Variants in CRADD observed in about 807,000 individuals in gnomAD.
CRADD encodes the protein death domain-containing protein CRADD.
In CRADD, 9 loss-of-function variants were observed where a neutral mutation model predicts 15.5. The observed-to-expected ratio is 0.58, with a 90% confidence interval of 0.35 to 1.01. CRADD has a LOEUF of 1.01. Among genes scored for constraint, CRADD ranks in the 50% least tolerant of loss-of-function variants. CRADD has a pLI of 0.02. For synonymous variants in CRADD, 118 were observed against 107.6 expected (o/e 1.10, Z -0.60); for missense variants, 227 against 250.3 (o/e 0.91, Z 0.63).
intron 2 of CRADD, among the ~76,000 whole-genome samples, chr12:93,780,626 A>G (rs1176493693): frequency 6.6e-6 from 1 of 152,252 alleles, no homozygotes; most frequent in Non-Finnish European, 1.5e-5. Flanking sequence ...TGTAAGGCAC[A>G]TAAACAAACA....
At chr12:93,731,531 C>T (rs1178459404) in intron 2 of CRADD, among the ~76,000 whole-genome samples, 4 of 152,312 alleles carry the variant, frequency 2.6e-5, no homozygotes, top group Admixed American at 6.5e-5. Flanking sequence ...AGTTTGCCAG[C>T]GACTTGGTTT....
In CRADD at chr12:93,766,506, T is replaced by C. The variant is rs562424714; in HGVS notation, c.299-83464T>C. Among the ~76,000 whole-genome samples the C allele has an allele frequency of 7.2e-5, 11 of 152,334 alleles. No homozygotes were observed. The South Asian group carries it at 1.4e-3, about 20-fold the overall frequency. ...TGGAGTTGCCCTTTGAGCTGTGTTATCTGATTTGAACTTTTCAAGCTTCCT... is the reference window on the plus strand; with the variant it reads ...TGGAGTTGCCCTTTGAGCTGTGTTACCTGATTTGAACTTTTCAAGCTTCCT... On this transcript the variant is annotated intron_variant, in intron 2 of 2. Coordinates refer to ENST00000332896, the MANE Select transcript of CRADD (RefSeq NM_003805.5).
intron 2 of CRADD, among the ~76,000 whole-genome samples, chr12:93,707,454 G>A (rs1468040333): frequency 6.6e-6 from 1 of 152,180 alleles, no homozygotes; most frequent in South Asian, 2.1e-4. Flanking sequence ...GATGTCTGGT[G>A]CCTTGACTGG....
At chr12:93,772,709 T>A (rs932549151) in intron 2 of CRADD, among the ~76,000 whole-genome samples, 1 of 152,246 alleles carries the variant, frequency 6.6e-6, no homozygotes. Flanking sequence ...ATGGGCTTAG[T>A]AGGAGCTTTT....
At chr12:93,704,503 A>G (rs905748203) in intron 2 of CRADD, among the ~76,000 whole-genome samples, 23 of 152,068 alleles carry the variant, frequency 1.5e-4, no homozygotes, top group Admixed American at 3.3e-4. Context: ...TGTATATTCC[A>G]TTAGCAAGTC....
chr12:93,874,171 G>A (rs948642968), intron 2 of CRADD, among the ~76,000 whole-genome samples: 3 of 151,856 alleles, frequency 2.0e-5, no homozygotes, highest in African/African-American at 7.3e-5. Context: ...ATTGAATTTT[G>A]GTAGGTTGTA....
chr12:93,781,560 G>A (rs992931373), intron 2 of CRADD, among the ~76,000 whole-genome samples: 5 of 152,150 alleles, frequency 3.3e-5, no homozygotes, highest in East Asian at 1.9e-4. Context: ...TTGAACCCAC[G>A]GATCAGTCTC....
chr12:93,729,251 A>G (rs968020020), intron 2 of CRADD, among the ~76,000 whole-genome samples: 2 of 152,204 alleles, frequency 1.3e-5, no homozygotes, highest in African/African-American at 4.8e-5. Flanking sequence ...AGGGTGGCAC[A>G]TCAAGTCAGT....
At chr12:93,740,366 A>G (rs1956647459) in intron 2 of CRADD, among the ~76,000 whole-genome samples, 2 of 152,136 alleles carry the variant, frequency 1.3e-5, no homozygotes, top group African/African-American at 4.8e-5. Context: ...AGAAATTCCA[A>G]AAATGAGATT....
intron 2 of CRADD, among the ~76,000 whole-genome samples, chr12:93,682,038 A>G (rs1955320813): frequency 6.6e-6 from 1 of 152,190 alleles, no homozygotes; most frequent in Admixed American, 6.5e-5. Flanking sequence ...AAGTAATTTA[A>G]TTGGTGGCAA....
At chr12:93,774,786 T>C (rs1957124251) in intron 2 of CRADD, among the ~76,000 whole-genome samples, 1 of 152,054 alleles carries the variant, frequency 6.6e-6, no homozygotes, top group African/African-American at 2.4e-5. Context: ...TCATCCAAGG[T>C]GATATGGATG....
At chr12:93,686,824 A>G (rs1367289832) in intron 2 of CRADD, among the ~76,000 whole-genome samples, 2 of 152,130 alleles carry the variant, frequency 1.3e-5, no homozygotes, top group Non-Finnish European at 1.5e-5. Context: ...TCTGCTGCGC[A>G]ATCTTGGCTT....
chr12:93,863,373 T>G lies in CRADD; in HGVS notation c.299-30677T>G, dbSNP rs190208210. ...TGCTATCTTCTCATTTCGGTTCTCA[T>G]TTGCTTACTGTGGTGCCTCCCCAAC... On this transcript the variant is annotated intron_variant, in intron 2 of 2. Coordinates refer to the CRADD transcript ENST00000548483. Among the ~76,000 whole-genome samples, 111 of 152,276 alleles carry G rather than the reference T, an allele frequency of 7.3e-4. 1 individual carries two copies. The East Asian group carries it at 0.018, about 25-fold the overall frequency.
At chr12:93,893,205 G>C (rs1434565700) in intron 2 of CRADD, among the ~76,000 whole-genome samples, 1 of 152,210 alleles carries the variant, frequency 6.6e-6, no homozygotes, top group Non-Finnish European at 1.5e-5. Flanking sequence ...AAATCAGCCA[G>C]AGAATTATAT....
At chr12:93,828,924 G>C (rs1400734351) in intron 2 of CRADD, among the ~76,000 whole-genome samples, 1 of 152,134 alleles carries the variant, frequency 6.6e-6, no homozygotes, top group African/African-American at 2.4e-5. Flanking sequence ...CTTTCCAGGG[G>C]GATGTGTTCA....
At chr12:93,711,507 A>G (rs1956074248) in intron 2 of CRADD, among the ~76,000 whole-genome samples, 1 of 152,046 alleles carries the variant, frequency 6.6e-6, no homozygotes, top group Non-Finnish European at 1.5e-5. Flanking sequence ...ATCATAAATT[A>G]GCTCCCACTC....
chr12:93,799,426 C>G (rs960817379), intron 2 of CRADD, among the ~76,000 whole-genome samples: 2 of 152,184 alleles, frequency 1.3e-5, no homozygotes, highest in Admixed American at 6.5e-5. Flanking sequence ...ATTGCTCACC[C>G]TTTCTGCATA....
chr12:93,777,746 G>C (rs745320964), intron 2 of CRADD, among the ~76,000 whole-genome samples: 1 of 152,104 alleles, frequency 6.6e-6, no homozygotes, highest in Admixed American at 6.5e-5. Flanking sequence ...TTAATCTCAC[G>C]GTATACTCGG....
chr12:93,738,604 C>G, intron 2 of CRADD: 1 of 599,090 alleles, frequency 1.7e-6, no homozygotes, highest in Non-Finnish European at 3.0e-6. Context: ...ACACGCCAGC[C>G]CTTAATAAAA....
Sources: allele counts gnomAD v4.1 joint callset (sites outside exome capture counted in the v4.1 genomes callset), GRCh38; gene constraint gnomAD v4.1.1; transcripts MANE v1.5; gene names NCBI Gene and HGNC (gene_info 2026-07-23, HGNC 2026-07-21).